RNF14: variants seen among roughly 807,000 people sequenced by gnomAD.
RNF14 encodes E3 ubiquitin-protein ligase RNF14.
RNF14 carries 26 observed loss-of-function variants against 52.6 expected under a neutral mutation model. That is an observed-to-expected ratio of 0.49 (90% confidence interval 0.36 to 0.69). The LOEUF (loss-of-function observed/expected upper bound fraction) is 0.69, where lower values mean the gene tolerates loss of function less well. Among genes scored for constraint, RNF14 ranks in the 30% least tolerant of loss-of-function variants. The pLI, the probability that RNF14 is intolerant of heterozygous loss-of-function variation, is 0.00. For synonymous variants in RNF14, 194 were observed against 202.0 expected, an observed-to-expected ratio of 0.96 and a Z score of 0.34; for missense variants, 404 against 560.4, an observed-to-expected ratio of 0.72 and a Z score of 2.82.
At chr5:141,965,322 C>G (rs1232770869), upstream of RNF14, among the ~76,000 whole-genome samples, 1 of 152,172 alleles carries the variant, frequency 6.6e-6, no homozygotes, top group African/African-American at 2.4e-5. Flanking sequence ...GTTTGTGACT[C>G]ACTTCTACTC....
upstream of RNF14, chr5:141,956,724 G>A: frequency 6.2e-7 from 1 of 1,614,258 alleles, no homozygotes; most frequent in East Asian, 2.2e-5. Context: ...CATCTGCCAT[G>A]ACAAGAGCAA....
At chr5:141,953,284 A>C in the RNF14 span, 1 of 152,222 alleles carries the variant, frequency 6.6e-6, no homozygotes, top group African/African-American at 2.4e-5. Flanking sequence ...TTTCCTCAAC[A>C]GTAAAAAAAG....
At chr5:141,956,319 G>A (rs1403502694), upstream of RNF14, 4 of 1,614,216 alleles carry the variant, frequency 2.5e-6, no homozygotes, top group Admixed American at 3.3e-5. Flanking sequence ...CTGTGTTGGA[G>A]TCAATAGCTA....
At chr5:141,981,860 A>G (rs540756804) in intron 6 of RNF14, among the ~76,000 whole-genome samples, 12 of 151,982 alleles carry the variant, frequency 7.9e-5, no homozygotes, top group African/African-American at 2.7e-4. Context: ...TCAAAAAAAA[A>G]AAAAGAGGAA....
intron 4 of RNF14, among the ~76,000 whole-genome samples, chr5:141,975,636 T>C (rs1329633132): frequency 1.3e-5 from 2 of 152,138 alleles, no homozygotes; most frequent in East Asian, 1.9e-4. Flanking sequence ...ATAAATAATA[T>C]AAAGCATTCT....
chr5:141,949,753 G>C, the RNF14 span, among the ~76,000 whole-genome samples: 1 of 152,088 alleles, frequency 6.6e-6, no homozygotes, highest in African/African-American at 2.4e-5. Flanking sequence ...CTCTTACTCT[G>C]TTTCCTCATT....
intron 4 of RNF14, among the ~76,000 whole-genome samples, 168 bp downstream of exon 4, chr5:141,975,123 ATGTT>A (rs920299879): frequency 2.6e-5 from 4 of 152,228 alleles, no homozygotes; most frequent in African/African-American, 4.8e-5. Context: ...GAAATTGAAA[ATGTT>A]TGGTGTTTTA....
At chr5:141,949,997 G>A in the RNF14 span, among the ~76,000 whole-genome samples, 49 of 152,304 alleles carry the variant, frequency 3.2e-4, no homozygotes, top group Non-Finnish European at 2.5e-4. Context: ...CCGTCCATCC[G>A]TCCGTAGGAG....
chr5:141,984,750 T>C, intron 7 of RNF14, 53 bp from the exon 8 acceptor site: 1 of 1,582,802 alleles, frequency 6.3e-7, no homozygotes, highest in East Asian at 2.2e-5. Context: ...GCATGTGCTG[T>C]CTCTTCTGCT....
At chr5:141,956,485 T>G, upstream of RNF14, 1 of 1,614,228 alleles carries the variant, frequency 6.2e-7, no homozygotes, top group Non-Finnish European at 8.5e-7. Flanking sequence ...CACAGGTGCA[T>G]TGTCGTTGAT....
upstream of RNF14, among the ~76,000 whole-genome samples, chr5:141,966,499 C>T (rs141489448): frequency 6.8e-4 from 104 of 152,160 alleles, no homozygotes; most frequent in African/African-American, 2.5e-3. Context: ...TCATAGGGTC[C>T]TGGGCATTTA....
chr5:141,956,656 T>C, upstream of RNF14: 1 of 1,614,232 alleles, frequency 6.2e-7, no homozygotes, highest in Non-Finnish European at 8.5e-7. Flanking sequence ...CAGCCTGAAG[T>C]GGCCCAGCTC....
upstream of RNF14, chr5:141,957,715 A>G (rs983748672): frequency 3.7e-6 from 6 of 1,614,044 alleles, no homozygotes; most frequent in African/African-American, 1.3e-5. This position sits in a 1 kb window ranked among gnomAD's most constrained non-coding sequence, Gnocchi z 4.3. Flanking sequence ...CAGCTTCCCG[A>G]TCACTGTACC....
chr5:141,967,390 G>A (rs1753380707), upstream of RNF14, among the ~76,000 whole-genome samples: 1 of 152,218 alleles, frequency 6.6e-6, no homozygotes, highest in Admixed American at 6.5e-5. Context: ...GTTCTTTAAT[G>A]GTGATTTGTG....
chr5:141,987,382 C>T (rs1350872593), intron 8 of RNF14, among the ~76,000 whole-genome samples: 1 of 152,108 alleles, frequency 6.6e-6, no homozygotes, highest in African/African-American at 2.4e-5. Context: ...TTATTTTGTC[C>T]CATATCATTG....
chr5:141,952,251 G>T, the RNF14 span, among the ~76,000 whole-genome samples: 1 of 152,166 alleles, frequency 6.6e-6, no homozygotes, highest in Non-Finnish European at 1.5e-5. Flanking sequence ...TTACCACAGG[G>T]GTTGCCTCTG....
intron 8 of RNF14, among the ~76,000 whole-genome samples, chr5:141,987,043 G>A (rs1755299244): frequency 6.6e-6 from 1 of 152,230 alleles, no homozygotes; most frequent in African/African-American, 2.4e-5. Flanking sequence ...AGGAAGAAAT[G>A]CTGGTCGGTT....
At position 141,988,139 on chromosome 5, in the gene RNF14, C is replaced by G. The variant is rs553331599; in HGVS notation, c.*349C>G. ...GGGGTCAAGAGTTAAACTTAGAGAC[C>G]CTTTGTCTCTGAGAAGCATCCTTCT... On this transcript the variant is annotated 3_prime_UTR_variant, in exon 9 of 9. Coordinates refer to ENST00000394520, the MANE Select transcript of RNF14 (RefSeq NM_004290.5). 1.4e-5 allele frequency: 3 copies of G among 217,676 alleles called. No homozygotes were observed. The highest frequency in any genetic ancestry group is 1.0e-4 in the Admixed American group (2 of 19,354). 13.5% of individuals were successfully genotyped at this position (217,676 alleles called of 1,614,324 possible). A position where few individuals can be genotyped will look rare whatever the true frequency, so the allele number is the denominator to read the frequency against.
intron 1 of RNF14, among the ~76,000 whole-genome samples, chr5:141,970,373 A>C (rs1417871930): frequency 6.6e-6 from 1 of 152,214 alleles, no homozygotes; most frequent in South Asian, 2.1e-4. Flanking sequence ...GCAGAAGAGG[A>C]AAGGAGAAAA....
Sources: allele counts gnomAD v4.1 joint callset (sites outside exome capture counted in the v4.1 genomes callset), GRCh38; gene constraint gnomAD v4.1.1; non-coding constraint Gnocchi (gnomAD v3.1); transcripts MANE v1.5; gene names NCBI Gene and HGNC (gene_info 2026-07-23, HGNC 2026-07-21).